The following SLC8A1 variants were observed in gnomAD, a reference collection of about 807,000 sequenced individuals.
SLC8A1 encodes solute carrier family 8 member A1, also known as sodium/calcium exchanger 1.
In SLC8A1, 18 loss-of-function variants were observed where a neutral mutation model predicts 68.3. The ratio of observed to expected loss-of-function variants is 0.26; its 90% confidence interval spans 0.18 to 0.39. SLC8A1 has a LOEUF of 0.39. Ranked by LOEUF, SLC8A1 falls within the 10% of genes least tolerant of loss-of-function variation. SLC8A1 has a pLI of 1.00. For synonymous variants in SLC8A1, 475 were observed against 415.5 expected (o/e 1.14, Z -1.74); for missense variants, 985 against 1,156.7 (o/e 0.85, Z 2.15).
At chr2:40,186,676 G>GAATT (rs1423731600) in intron 2 of SLC8A1, among the ~76,000 whole-genome samples, 2 of 152,134 alleles carry the variant, frequency 1.3e-5, no homozygotes, top group Non-Finnish European at 2.9e-5. Flanking sequence ...AATCTTGAGA[G>GAATT]AATTAATCCA....
At chr2:40,422,668 C>G (rs536111450) in intron 2 of SLC8A1, among the ~76,000 whole-genome samples, 1 of 152,200 alleles carries the variant, frequency 6.6e-6, no homozygotes, top group East Asian at 1.9e-4. Flanking sequence ...TCAAAAGCTG[C>G]TCAATATCCA....
intron 1 of SLC8A1, among the ~76,000 whole-genome samples, chr2:40,450,450 G>A (rs1319096551): frequency 6.6e-6 from 1 of 151,990 alleles, no homozygotes; most frequent in East Asian, 1.9e-4. Context: ...TCTTTCCCTT[G>A]GGAAATCTTC....
At chr2:40,229,268 ATAC>A (rs1477409899) in intron 2 of SLC8A1, among the ~76,000 whole-genome samples, 1 of 152,134 alleles carries the variant, frequency 6.6e-6, no homozygotes, top group African/African-American at 2.4e-5. Context: ...AGTTGCAAGA[ATAC>A]TATTTTCACA....
At chr2:40,442,220 AAAAC>A (rs1442099004) in intron 1 of SLC8A1, among the ~76,000 whole-genome samples, 9 of 151,364 alleles carry the variant, frequency 5.9e-5, no homozygotes, top group Non-Finnish European at 8.8e-5. Flanking sequence ...TAAAATTAAA[AAAAC>A]AAACAAATGT....
At chr2:40,358,383 G>C (rs956673046) in intron 2 of SLC8A1, among the ~76,000 whole-genome samples, 1 of 151,968 alleles carries the variant, frequency 6.6e-6, no homozygotes, top group African/African-American at 2.4e-5. Context: ...TAGACATCTT[G>C]ACAGCAAAAG....
intron 1 of SLC8A1, among the ~76,000 whole-genome samples, chr2:40,473,589 C>G (rs943222977): frequency 2.0e-5 from 3 of 152,158 alleles, no homozygotes; most frequent in Non-Finnish European, 4.4e-5. Context: ...AGAAGTGTGT[C>G]TGGCCCATAA....
intron 2 of SLC8A1, among the ~76,000 whole-genome samples, chr2:40,333,620 T>G (rs1182983843): frequency 2.0e-5 from 3 of 152,158 alleles, no homozygotes; most frequent in Non-Finnish European, 4.4e-5. Context: ...TATATATTTT[T>G]CTAACTCTCA....
intron 2 of SLC8A1, among the ~76,000 whole-genome samples, chr2:40,384,988 A>G (rs1683100963): frequency 6.6e-6 from 1 of 152,076 alleles, no homozygotes; most frequent in Non-Finnish European, 1.5e-5. Context: ...TTAAGTATAT[A>G]GAGTTCTTCT....
chr2:40,318,025 C>G (rs1327803264), intron 2 of SLC8A1, among the ~76,000 whole-genome samples: 2 of 152,032 alleles, frequency 1.3e-5, no homozygotes, highest in Admixed American at 6.6e-5. Flanking sequence ...GAGACCAGTG[C>G]AAGCTTTGAT....
At chr2:40,262,312 A>G (rs1170542959) in intron 2 of SLC8A1, among the ~76,000 whole-genome samples, 1 of 152,218 alleles carries the variant, frequency 6.6e-6, no homozygotes, top group Non-Finnish European at 1.5e-5. Context: ...GGTTTACTGC[A>G]AGAAACAATG....
chr2:40,353,346 C>A (rs1212790133), intron 2 of SLC8A1, among the ~76,000 whole-genome samples: 2 of 152,062 alleles, frequency 1.3e-5, no homozygotes, highest in Non-Finnish European at 2.9e-5. Flanking sequence ...CTGCTGGGGG[C>A]CCCACCCTTC....
intron 2 of SLC8A1, among the ~76,000 whole-genome samples, chr2:40,422,721 C>G (rs1412393463): frequency 6.6e-6 from 1 of 152,058 alleles, no homozygotes; most frequent in East Asian, 1.9e-4. Flanking sequence ...GACCCAAGGA[C>G]TAGTTAACAA....
chr2:40,146,957 A>G (rs1420857080), intron 6 of SLC8A1, among the ~76,000 whole-genome samples: 1 of 152,218 alleles, frequency 6.6e-6, no homozygotes, highest in East Asian at 1.9e-4. Flanking sequence ...CTCTCTGTTA[A>G]TAACTTTCAA....
intron 1 of SLC8A1, among the ~76,000 whole-genome samples, chr2:40,482,928 C>T (rs1037781082): frequency 1.4e-4 from 21 of 150,242 alleles, no homozygotes; most frequent in South Asian, 8.5e-4. Flanking sequence ...GTAGCTGGGA[C>T]TACAGGCGCC....
chr2:40,325,655 T>A (rs1361594938), intron 2 of SLC8A1, among the ~76,000 whole-genome samples: 1 of 151,190 alleles, frequency 6.6e-6, no homozygotes, highest in African/African-American at 2.4e-5. Context: ...AATAAGCATC[T>A]CTTGGGCCGG....
chr2:40,298,003 C>T (rs1185011442), intron 2 of SLC8A1, among the ~76,000 whole-genome samples: 2 of 152,132 alleles, frequency 1.3e-5, no homozygotes, highest in Non-Finnish European at 2.9e-5. Flanking sequence ...CCTCAGACTC[C>T]TGAGTAGCTA....
chr2:40,472,643 T>C (rs1041542171), intron 1 of SLC8A1, among the ~76,000 whole-genome samples: 1 of 152,170 alleles, frequency 6.6e-6, no homozygotes, highest in African/African-American at 2.4e-5. Flanking sequence ...ATTGGGATTA[T>C]TGGTGGGAAC....
intron 2 of SLC8A1, among the ~76,000 whole-genome samples, chr2:40,413,210 T>A (rs1692726716): frequency 6.6e-6 from 1 of 152,196 alleles, no homozygotes; most frequent in South Asian, 2.1e-4. Flanking sequence ...CTCAGGGATC[T>A]AGAACTAGAA....
chr2:40,142,973 A>C (rs199963339), intron 6 of SLC8A1, among the ~76,000 whole-genome samples: 1 of 149,226 alleles, frequency 6.7e-6, no homozygotes, highest in South Asian at 2.1e-4. Context: ...TGTGAGAGCG[A>C]GAGAGAGAGA....
Sources: allele counts gnomAD v4.1 joint callset (sites outside exome capture counted in the v4.1 genomes callset), GRCh38; gene constraint gnomAD v4.1.1; transcripts MANE v1.5; gene names NCBI Gene and HGNC (gene_info 2026-07-23, HGNC 2026-07-21).